The following MCTP1 variants were observed in gnomAD, a reference collection of about 807,000 sequenced individuals.
MCTP1 encodes the protein multiple C2 and transmembrane domain-containing protein 1.
In MCTP1, 69 loss-of-function variants were observed where a neutral mutation model predicts 120.6. That is an observed-to-expected ratio of 0.57 (90% CI 0.47 to 0.70). The LOEUF is 0.70. MCTP1 is among the 30% of genes least tolerant of loss of function. The pLI, the probability that MCTP1 is intolerant of heterozygous loss-of-function variation, is 0.00. For missense variants in MCTP1, 1,203 were observed against 1,248.8 expected (o/e 0.96, Z 0.55); for synonymous variants, 529 against 493.1 (o/e 1.07, Z -0.96).
At chr5:95,086,997 T>TCTC (rs1394239455) in intron 1 of MCTP1, among the ~76,000 whole-genome samples, 1 of 152,222 alleles carries the variant, frequency 6.6e-6, no homozygotes, top group East Asian at 1.9e-4. Context: ...GAAGGTTATA[T>TCTC]CTGTAGCTCT....
intron 1 of MCTP1, among the ~76,000 whole-genome samples, chr5:95,139,702 C>G (rs1003937238): frequency 5.0e-4 from 76 of 152,296 alleles, no homozygotes; most frequent in African/African-American, 1.8e-3. Context: ...AACTGCAGAT[C>G]CACAGAAGCT....
intron 1 of MCTP1, among the ~76,000 whole-genome samples, chr5:95,110,321 G>T (rs1342939289): frequency 3.3e-5 from 5 of 152,014 alleles, no homozygotes. Context: ...CATGTGACTG[G>T]TTCTCATCAG....
intron 1 of MCTP1, among the ~76,000 whole-genome samples, chr5:95,241,052 G>T (rs191180442): frequency 3.3e-5 from 5 of 151,814 alleles, no homozygotes; most frequent in Non-Finnish European, 1.5e-5. Context: ...ATTTTGGGGG[G>T]TACTTTGTTT....
intron 3 of MCTP1, among the ~76,000 whole-genome samples, chr5:94,951,748 A>C (rs1201256318): frequency 1.3e-5 from 2 of 152,142 alleles, no homozygotes; most frequent in East Asian, 3.8e-4. Context: ...TCTCTCTAGA[A>C]GTGAGGAGCA....
chr5:95,268,527 G>T (rs1316863849), intron 1 of MCTP1, among the ~76,000 whole-genome samples: 5 of 152,208 alleles, frequency 3.3e-5, no homozygotes, highest in Non-Finnish European at 5.9e-5. Flanking sequence ...CTTCTTGGAA[G>T]GCCAGGAGGT....
chr5:95,112,769 T>C (rs1420693987), intron 1 of MCTP1, among the ~76,000 whole-genome samples: 1 of 152,178 alleles, frequency 6.6e-6, no homozygotes, highest in Non-Finnish European at 1.5e-5. Context: ...AAAGTTCATC[T>C]TAGAGTCAAT....
intron 2 of MCTP1, among the ~76,000 whole-genome samples, chr5:94,953,879 ATG>A (rs1821409641): frequency 8.2e-6 from 1 of 122,282 alleles, no homozygotes; most frequent in Admixed American, 8.9e-5. Flanking sequence ...ACAAATATAT[ATG>A]CATATATATA....
intron 1 of MCTP1, among the ~76,000 whole-genome samples, chr5:95,062,469 G>T (rs1316920497): frequency 2.0e-5 from 3 of 152,134 alleles, no homozygotes; most frequent in African/African-American, 4.8e-5. Context: ...AAGGAAAAGA[G>T]CTTTATAATT....
At chr5:95,087,744 C>T (rs1755540380) in intron 1 of MCTP1, among the ~76,000 whole-genome samples, 1 of 152,118 alleles carries the variant, frequency 6.6e-6, no homozygotes. Flanking sequence ...GGCTGGTGGC[C>T]TTCCCTTTTG....
At chr5:95,008,459 T>C (rs1562008542) in intron 2 of MCTP1, among the ~76,000 whole-genome samples, 1 of 152,160 alleles carries the variant, frequency 6.6e-6, no homozygotes, top group Non-Finnish European at 1.5e-5. Context: ...ATTGAGTTCA[T>C]CACAGGGGGC....
chr5:94,820,080 T>C (rs1380769882), intron 17 of MCTP1, among the ~76,000 whole-genome samples: 3 of 152,220 alleles, frequency 2.0e-5, no homozygotes, highest in Non-Finnish European at 2.9e-5. Flanking sequence ...CCTTGATGAC[T>C]TGTCACTTTT....
rs76928804 is a variant in MCTP1, at chr5:94,751,350, C to G, written c.2610+27760G>C. Among the ~76,000 whole-genome samples, 617 of 151,388 alleles carry G rather than the reference C, an allele frequency of 4.1e-3. 2 individuals carry two copies. The highest frequency in any genetic ancestry group is 0.015 in the African/African-American group (603 of 41,182). ...AGCATACCAAATCACAGTTTAATTT[C>G]CTTCTACAGAGCCCAGGCATATGAG... On this transcript the variant is annotated intron_variant, in intron 19 of 22. Transcript: ENST00000515393.
chr5:94,835,124 G>T (rs763377021), intron 17 of MCTP1, among the ~76,000 whole-genome samples: 1 of 152,052 alleles, frequency 6.6e-6, no homozygotes, highest in Non-Finnish European at 1.5e-5. Flanking sequence ...GCCCTATAAC[G>T]CATTCTCATT....
chr5:95,208,629 C>T (rs1218090052), intron 1 of MCTP1, among the ~76,000 whole-genome samples: 1 of 151,848 alleles, frequency 6.6e-6, no homozygotes, highest in Non-Finnish European at 1.5e-5. Context: ...GAACTTCAAC[C>T]AGCCCTCAAC....
chr5:95,253,094 T>C (rs536299793), intron 1 of MCTP1, among the ~76,000 whole-genome samples: 2 of 152,136 alleles, frequency 1.3e-5, no homozygotes, highest in African/African-American at 4.8e-5. Flanking sequence ...AAAGAGTACT[T>C]GGTATGTTGG....
At chr5:94,815,847 T>C (rs915654423) in intron 17 of MCTP1, among the ~76,000 whole-genome samples, 11 of 152,134 alleles carry the variant, frequency 7.2e-5, no homozygotes, top group African/African-American at 2.7e-4. Context: ...GTAAATGGAA[T>C]GGAGCTGGTG....
intron 1 of MCTP1, among the ~76,000 whole-genome samples, chr5:95,182,717 T>C (rs1039285682): frequency 2.0e-5 from 3 of 152,128 alleles, no homozygotes; most frequent in African/African-American, 7.2e-5. Context: ...GTCAGAATCA[T>C]TTTTAAAATT....
At chr5:94,989,025 T>C (rs1164015486) in intron 2 of MCTP1, among the ~76,000 whole-genome samples, 1 of 152,210 alleles carries the variant, frequency 6.6e-6, no homozygotes, top group Non-Finnish European at 1.5e-5. Context: ...GGAACTATAA[T>C]TCAAGATGAG....
chr5:94,948,071 T>C (rs1819565431), intron 3 of MCTP1, among the ~76,000 whole-genome samples: 1 of 152,078 alleles, frequency 6.6e-6, no homozygotes, highest in South Asian at 2.1e-4. Flanking sequence ...TGTAAAAGAA[T>C]AGTTAAAGCC....
Sources: allele counts gnomAD v4.1 joint callset (sites outside exome capture counted in the v4.1 genomes callset), GRCh38; gene constraint gnomAD v4.1.1; transcripts MANE v1.5; gene names NCBI Gene and HGNC (gene_info 2026-07-23, HGNC 2026-07-21).